HDAC4: variants seen among roughly 807,000 people sequenced by gnomAD.
The protein encoded by HDAC4 is histone deacetylase 4.
A neutral mutation model predicts 135.1 loss-of-function variants in HDAC4; 16 were observed. The ratio of observed to expected loss-of-function variants is 0.12; its 90% CI spans 0.08 to 0.18. The LOEUF is 0.18. HDAC4 is among the 10% of genes least tolerant of loss of function. The probability of loss-of-function intolerance (pLI) is 1.00; values close to 1 mark genes in which losing one functional copy is unlikely to be tolerated. For synonymous variants in HDAC4, 685 were observed against 653.4 expected (o/e 1.05, Z -0.74); for missense variants, 1,143 against 1,511.8 (o/e 0.76, Z 4.05).
At chr2:239,144,332 C>CA (rs113770453) in intron 8 of HDAC4, among the ~76,000 whole-genome samples, 61 of 152,314 alleles carry the variant, frequency 4.0e-4, no homozygotes, top group African/African-American at 1.4e-3. Context: ...CACCCTTGTG[C>CA]ACCTCAGCCC....
At chr2:239,383,546 C>T (rs1366676589) in intron 1 of HDAC4, among the ~76,000 whole-genome samples, 2 of 151,958 alleles carry the variant, frequency 1.3e-5, no homozygotes, top group African/African-American at 2.4e-5. Flanking sequence ...CCACGGCAAG[C>T]GCAGTCTGGG....
chr2:239,060,978 G>T (rs906536953), intron 24 of HDAC4, among the ~76,000 whole-genome samples: 1 of 152,258 alleles, frequency 6.6e-6, no homozygotes. Context: ...TGAAGGCCAC[G>T]AGGCTGGGCT....
At chr2:239,330,905 A>G (rs1691525871) in intron 2 of HDAC4, among the ~76,000 whole-genome samples, 1 of 152,236 alleles carries the variant, frequency 6.6e-6, no homozygotes, top group African/African-American at 2.4e-5. Flanking sequence ...TCTCACCCTC[A>G]GCCTTCTCCA....
intron 9 of HDAC4, 32 bp from the exon 10 acceptor site, chr2:239,134,675 T>A (rs770067539): frequency 1.3e-6 from 2 of 1,528,178 alleles, no homozygotes; most frequent in South Asian, 2.2e-5. Flanking sequence ...ACCATCACAG[T>A]CTGTCACGGC....
At chr2:239,310,235 G>T (rs938571781) in intron 2 of HDAC4, among the ~76,000 whole-genome samples, 8 of 152,224 alleles carry the variant, frequency 5.3e-5, no homozygotes, top group African/African-American at 1.4e-4. Flanking sequence ...AACGTGATTA[G>T]TAGAAAAACC....
At chr2:239,234,680 C>A (rs943259764) in intron 3 of HDAC4, among the ~76,000 whole-genome samples, 2 of 152,184 alleles carry the variant, frequency 1.3e-5, no homozygotes, top group African/African-American at 4.8e-5. Context: ...CGCCTAAGCT[C>A]CCACGCAAAC....
chr2:239,115,366 T>C lies in HDAC4; in HGVS notation c.1534-56A>G. On this transcript the variant is annotated intron_variant, in intron 12 of 26. Transcript: ENST00000543185. This position sits in a 1 kb window ranked among gnomAD's most constrained non-coding sequence, Gnocchi z 6.3. ...GAGAGCTGGGTCCTCTGAGCTCATC[T>C]GACAGGAGAAGGGATGCTGCAAACC... is the stretch of plus-strand genomic sequence containing the variant. 1 of 1,605,010 alleles carries C rather than the reference T, an allele frequency of 6.2e-7. No homozygotes were observed.
At chr2:239,194,639 G>A (rs1203854215) in intron 3 of HDAC4, among the ~76,000 whole-genome samples, 2 of 152,232 alleles carry the variant, frequency 1.3e-5, no homozygotes, top group South Asian at 2.1e-4. Context: ...AGAAACTGCT[G>A]CCCAAATCTT....
At chr2:239,132,669 A>G (rs1218477987) in intron 11 of HDAC4, among the ~76,000 whole-genome samples, 1 of 152,222 alleles carries the variant, frequency 6.6e-6, no homozygotes, top group Non-Finnish European at 1.5e-5. Flanking sequence ...GGTGAGACCC[A>G]TGCACACTCG....
chr2:239,216,506 G>A (rs995740391), intron 3 of HDAC4, among the ~76,000 whole-genome samples: 9 of 152,206 alleles, frequency 5.9e-5, no homozygotes, highest in African/African-American at 2.2e-4. Context: ...CTGCGCTGCA[G>A]ACCACTAACA....
chr2:239,231,461 GCA>G (rs2047550001), intron 3 of HDAC4, among the ~76,000 whole-genome samples: 1 of 73,880 alleles, frequency 1.4e-5, no homozygotes, highest in Non-Finnish European at 4.0e-5. Context: ...TTCTGTAGGA[GCA>G]GTGGGGGGCA....
chr2:239,054,126 C>G (rs978907646), intron 25 of HDAC4, among the ~76,000 whole-genome samples: 1 of 152,068 alleles, frequency 6.6e-6, no homozygotes, highest in African/African-American at 2.4e-5. Context: ...AGCCAGGACT[C>G]CCTCACACAG....
At chr2:239,351,028 A>G (rs1693116433) in intron 2 of HDAC4, among the ~76,000 whole-genome samples, 1 of 152,242 alleles carries the variant, frequency 6.6e-6, no homozygotes, top group Non-Finnish European at 1.5e-5. Context: ...GAACCTACCC[A>G]GTGCTGGTAC....
At chr2:239,320,139 T>C (rs1324950263) in intron 2 of HDAC4, among the ~76,000 whole-genome samples, 3 of 152,044 alleles carry the variant, frequency 2.0e-5, no homozygotes, top group Non-Finnish European at 2.9e-5. Context: ...TCCCAGCACT[T>C]TGGGAGGCCG....
chr2:239,380,236 C>G (rs963792610), intron 1 of HDAC4, among the ~76,000 whole-genome samples: 1 of 152,180 alleles, frequency 6.6e-6, no homozygotes, highest in South Asian at 2.1e-4. Context: ...TGCAATGGCC[C>G]GCGTCTTTGG....
At chr2:239,388,880 C>T (rs561113023) in intron 1 of HDAC4, among the ~76,000 whole-genome samples, 19 of 152,234 alleles carry the variant, frequency 1.2e-4, no homozygotes, top group Non-Finnish European at 2.4e-4. Context: ...TGGGCTCTGA[C>T]TTCCAGGGCC....
chr2:239,197,871 G>GTGTGTGTGTGTA (rs2045501887), intron 3 of HDAC4, among the ~76,000 whole-genome samples: 1 of 151,380 alleles, frequency 6.6e-6, no homozygotes, highest in African/African-American at 2.4e-5. Flanking sequence ...GTGTGTGTGT[G>GTGTGTGTGTGTA]TGTGTGTGTG....
chr2:239,183,024 C>A (rs777424619), intron 4 of HDAC4, among the ~76,000 whole-genome samples: 8 of 152,218 alleles, frequency 5.3e-5, no homozygotes, highest in African/African-American at 1.9e-4. Context: ...TAACTTTACA[C>A]GTCAGACTAC....
rs2050425409 is a variant in HDAC4 at position 239,277,308 on chromosome 2, T to C, written c.23-40644A>G. Among the ~76,000 whole-genome samples the C allele has an allele frequency of 2.0e-5, 3 of 152,102 alleles. No individual in the cohort carries two copies. In the South Asian group the frequency reaches 6.2e-4, roughly 32 times the overall value. On this transcript the variant is annotated intron_variant, in intron 2 of 26. Coordinates refer to ENST00000543185, the MANE Select transcript of HDAC4 (RefSeq NM_001378414.1). ...TGTTCCCGGTCTGTCCAGTAAGGCC[T>C]TTCCAAAGGCACAAGGGTGAGAGGT...
Sources: allele counts gnomAD v4.1 joint callset (sites outside exome capture counted in the v4.1 genomes callset), GRCh38; gene constraint gnomAD v4.1.1; non-coding constraint Gnocchi (gnomAD v3.1); transcripts MANE v1.5; gene names NCBI Gene and HGNC (gene_info 2026-07-23, HGNC 2026-07-21).